DAB1: variants seen among roughly 807,000 people sequenced by gnomAD.
The protein encoded by DAB1 is DAB adaptor protein 1, also known as disabled homolog 1.
In DAB1, 15 loss-of-function variants were observed where a neutral mutation model predicts 64.6. The observed-to-expected ratio is 0.23, with a 90% CI of 0.16 to 0.36. The LOEUF is 0.36. Among genes scored for constraint, DAB1 ranks in the 10% least tolerant of loss-of-function variants. The pLI, the probability that DAB1 is intolerant of heterozygous loss-of-function variation, is 1.00. For synonymous variants in DAB1, 235 were observed against 251.9 expected, an observed-to-expected ratio of 0.93 and a Z score of 0.64; for missense variants, 596 against 706.7, an observed-to-expected ratio of 0.84 and a Z score of 1.78.
At chr1:57,597,580 A>G (rs1645525545) in intron 7 of DAB1, among the ~76,000 whole-genome samples, 1 of 152,226 alleles carries the variant, frequency 6.6e-6, no homozygotes, top group South Asian at 2.1e-4. Context: ...ATTTAGTCCA[A>G]CACCTGCAAG....
At chr1:58,326,144 A>C (rs1439053354) in intron 4 of DAB1, among the ~76,000 whole-genome samples, 1 of 152,232 alleles carries the variant, frequency 6.6e-6, no homozygotes, top group Non-Finnish European at 1.5e-5. Flanking sequence ...ACACTGCTGA[A>C]AAAAGCCCCA....
At chr1:57,617,200 A>C (rs1645799833) in intron 7 of DAB1, among the ~76,000 whole-genome samples, 3 of 152,108 alleles carry the variant, frequency 2.0e-5, no homozygotes, top group South Asian at 4.1e-4. Context: ...TCTTCCAAGA[A>C]TAGCCCTCTG....
intron 13 of DAB1, 115 bp from the exon 14 acceptor site, chr1:57,010,905 C>A: frequency 2.2e-6 from 2 of 908,342 alleles, no homozygotes; most frequent in Non-Finnish European, 3.3e-6. Context: ...GAGGGTGCAA[C>A]GGCATTTAGA....
At chr1:57,901,075 C>G (rs1186562950) in intron 5 of DAB1, among the ~76,000 whole-genome samples, 1 of 152,072 alleles carries the variant, frequency 6.6e-6, no homozygotes. Context: ...AAAAATTATT[C>G]TAATTTTTAC....
chr1:57,187,292 C>T (rs145844158), intron 2 of DAB1, among the ~76,000 whole-genome samples: 1 of 152,246 alleles, frequency 6.6e-6, no homozygotes, highest in African/African-American at 2.4e-5. Context: ...TTTTCTATTA[C>T]CTATTTCCTT....
chr1:58,542,252 T>C (rs1179876427), intron 1 of DAB1, among the ~76,000 whole-genome samples: 2 of 152,230 alleles, frequency 1.3e-5, no homozygotes, highest in Admixed American at 6.5e-5. Context: ...ACTTTGTTTT[T>C]ACTTTTTTGA....
chr1:58,470,373 C>T (rs1396004096), intron 3 of DAB1, among the ~76,000 whole-genome samples: 1 of 151,984 alleles, frequency 6.6e-6, no homozygotes, highest in Non-Finnish European at 1.5e-5. Context: ...GGGGTTTTGC[C>T]ATGTTTCCCA....
intron 1 of DAB1, among the ~76,000 whole-genome samples, chr1:57,375,363 A>G (rs1680811794): frequency 6.6e-6 from 1 of 152,204 alleles, no homozygotes; most frequent in Non-Finnish European, 1.5e-5. Context: ...TCACTTGCTC[A>G]GGTAATAGAG....
At chr1:57,900,551 T>C (rs923374741) in intron 5 of DAB1, among the ~76,000 whole-genome samples, 2 of 152,210 alleles carry the variant, frequency 1.3e-5, no homozygotes, top group African/African-American at 4.8e-5. Context: ...AGCGAGACTA[T>C]AGGGGTCATT....
chr1:58,130,388 T>G (rs1050183116), intron 5 of DAB1, among the ~76,000 whole-genome samples: 4 of 151,332 alleles, frequency 2.6e-5, no homozygotes, highest in Non-Finnish European at 4.4e-5. Context: ...TACAGCACAC[T>G]GATGGGTCTT....
chr1:57,365,381 G>A (rs1233263555), intron 1 of DAB1, among the ~76,000 whole-genome samples: 1 of 140,436 alleles, frequency 7.1e-6, no homozygotes, highest in Non-Finnish European at 1.5e-5. Context: ...ATATTTATAT[G>A]TATTACATAT....
intron 1 of DAB1, chr1:57,307,260 C>G (rs573573887): frequency 6.6e-6 from 1 of 152,230 alleles, no homozygotes; most frequent in Non-Finnish European, 1.5e-5. Flanking sequence ...GATTTTCCAG[C>G]TAAATAGGAC....
intron 4 of DAB1, among the ~76,000 whole-genome samples, chr1:57,089,639 C>T (rs1653455658): frequency 1.3e-5 from 2 of 152,172 alleles, no homozygotes; most frequent in African/African-American, 4.8e-5. Context: ...CTTACTATCA[C>T]AAGGACAGCA....
Position 57,641,378 on chromosome 1 carries a change from G to GT in DAB1, n.625+8213_625+8214insA, listed in dbSNP as rs1491296848. Among the ~76,000 whole-genome samples, 662 of 109,758 alleles carry GT rather than the reference G, an allele frequency of 6.0e-3. 1 individual carries two copies. Among genetic ancestry groups the GT allele is most frequent in the Middle Eastern group, 0.011 (2 of 188 alleles). 72.0% of individuals were successfully genotyped at this position (109,758 alleles called of 152,430 possible). ...TGCCCAGTTCCCTCTTTTTTTTGTT[G>GT]GTTTTTTTTTTTTTTTTTTTTTTGA... is the stretch of plus-strand genomic sequence containing the variant. On this transcript the variant is annotated intron_variant and non_coding_transcript_variant, in intron 7 of 20. Coordinates refer to the DAB1 transcript ENST00000485760.
chr1:57,587,570 C>G (rs559759782), intron 7 of DAB1, among the ~76,000 whole-genome samples: 1 of 152,120 alleles, frequency 6.6e-6, no homozygotes, highest in Non-Finnish European at 1.5e-5. Flanking sequence ...CTCAATTGTA[C>G]CATGGGTCCC....
At chr1:58,234,454 T>C (rs929509281) in intron 4 of DAB1, among the ~76,000 whole-genome samples, 1 of 152,142 alleles carries the variant, frequency 6.6e-6, no homozygotes, top group Admixed American at 6.5e-5. Flanking sequence ...GAAACAGCCA[T>C]GCGGGGCAGA....
At chr1:58,275,340 C>T (rs1284468329) in intron 4 of DAB1, among the ~76,000 whole-genome samples, 13 of 152,084 alleles carry the variant, frequency 8.5e-5, no homozygotes. Flanking sequence ...TGGACTACAT[C>T]AAAATTAAAA....
intron 7 of DAB1, among the ~76,000 whole-genome samples, chr1:57,480,988 G>T (rs1272540544): frequency 1.3e-5 from 2 of 152,056 alleles, no homozygotes; most frequent in Non-Finnish European, 2.9e-5. Flanking sequence ...TTCCAACAAG[G>T]CCTATAAATC....
chr1:57,448,012 G>C (rs984767100), intron 7 of DAB1, among the ~76,000 whole-genome samples: 2 of 152,260 alleles, frequency 1.3e-5, no homozygotes, highest in East Asian at 3.9e-4. Context: ...GGAACAAATT[G>C]TTCCTATAAC....
Sources: allele counts gnomAD v4.1 joint callset (sites outside exome capture counted in the v4.1 genomes callset), GRCh38; gene constraint gnomAD v4.1.1; transcripts MANE v1.5; gene names NCBI Gene and HGNC (gene_info 2026-07-23, HGNC 2026-07-21).